Variants in USH2A observed in about 807,000 individuals in gnomAD.
USH2A encodes the protein Usher syndrome 2A (autosomal recessive, mild).
A neutral mutation model predicts 538.9 loss-of-function variants in USH2A; 443 were observed. That is an observed-to-expected ratio of 0.82 (90% confidence interval 0.76 to 0.89). USH2A has a LOEUF of 0.89. USH2A is among the 40% of genes least tolerant of loss of function. The pLI, the probability that USH2A is intolerant of heterozygous loss-of-function variation, is 0.00. For synonymous variants in USH2A, 2,413 were observed against 2,273.5 expected, an observed-to-expected ratio of 1.06 and a Z score of -1.75; for missense variants, 6,633 against 6,324.8, an observed-to-expected ratio of 1.05 and a Z score of -1.65.
intron 64 of USH2A, among the ~76,000 whole-genome samples, chr1:215,653,653 T>C (rs918358684): frequency 1.3e-5 from 2 of 152,352 alleles, no homozygotes; most frequent in African/African-American, 4.8e-5. Context: ...ATATTTTTTC[T>C]GTCTCCTTCT....
At chr1:216,037,567 G>A (rs747951657) in intron 32 of USH2A, among the ~76,000 whole-genome samples, 6 of 152,050 alleles carry the variant, frequency 3.9e-5, no homozygotes, top group Non-Finnish European at 8.8e-5. Flanking sequence ...TTGATAAAAT[G>A]TTTCAGGATA....
At position 215,674,525 on chromosome 1, in the gene USH2A, G is replaced by A. The variant is rs187707339; in HGVS notation, c.13386C>T (p.Ile4462=). 2.1e-5 allele frequency: 34 copies of A among 1,614,116 alleles called. No homozygotes were observed. The Admixed American group carries it at 5.5e-4, about 26-fold the overall frequency. The change falls in exon 63 of 72, where the codon ATC becomes ATT. Residue 4462 remains isoleucine (I), a synonymous_variant. Coordinates refer to ENST00000307340, the MANE Select transcript of USH2A (RefSeq NM_206933.4). ...TTGGGTTTCTTGGAGGTTTCCAGGTGATTTCTATTGATTCTGAGCCTGTGA... is the reference window on the plus strand; with the variant it reads ...TTGGGTTTCTTGGAGGTTTCCAGGTAATTTCTATTGATTCTGAGCCTGTGA... The part of the protein sequence containing the change: ...LQVTGSESIE[I]TWKPPRNPNG...
At chr1:216,018,241 AT>A (rs1378271701) in intron 32 of USH2A, among the ~76,000 whole-genome samples, 9 of 152,310 alleles carry the variant, frequency 5.9e-5, no homozygotes, top group African/African-American at 2.2e-4. Context: ...CTGAAATGGA[AT>A]TATTGAAGAG....
chr1:216,402,173 G>A (rs1485056130), intron 3 of USH2A, among the ~76,000 whole-genome samples: 2 of 152,046 alleles, frequency 1.3e-5, no homozygotes, highest in African/African-American at 4.8e-5. Flanking sequence ...AAAAAATCCT[G>A]AACAAATGTT....
At chr1:216,282,209 G>A (rs182550250) in intron 11 of USH2A, among the ~76,000 whole-genome samples, 4 of 151,930 alleles carry the variant, frequency 2.6e-5, no homozygotes, top group African/African-American at 9.7e-5. Context: ...TTGTTGGTGT[G>A]CTTTGAAATA....
chr1:215,813,626 G>T, intron 49 of USH2A, 110 bp downstream of exon 49: 1 of 1,357,732 alleles, frequency 7.4e-7, no homozygotes, highest in Non-Finnish European at 1.1e-6. Context: ...TGTGTTTATG[G>T]TTCAATTTTT....
rs146193583 is a variant in USH2A, at chr1:216,142,071, T to C, written c.4627+33181A>G. Among the ~76,000 whole-genome samples the C allele has an allele frequency of 1.2e-4, 19 of 152,326 alleles. No homozygotes were observed. The East Asian group carries it at 2.7e-3, about 22-fold the overall frequency. On this transcript the variant is annotated intron_variant, in intron 21 of 71. Coordinates refer to ENST00000307340, the MANE Select transcript of USH2A (RefSeq NM_206933.4). Reference sequence around the variant, plus strand: ...GCAAAGTTTATGCTTTGAACAAGTTTATTTCTTTGAACAAGTTCAGGTACT... The same window carrying C: ...GCAAAGTTTATGCTTTGAACAAGTTCATTTCTTTGAACAAGTTCAGGTACT...
chr1:216,200,264 T>TA, intron 16 of USH2A, 143 bp from the exon 17 acceptor site: 2 of 916,362 alleles, frequency 2.2e-6, no homozygotes, highest in South Asian at 3.6e-5. Flanking sequence ...TTCATATTTT[T>TA]AAAATTGAAA....
chr1:216,317,706 A>T (rs889642900), intron 9 of USH2A, among the ~76,000 whole-genome samples: 1 of 151,826 alleles, frequency 6.6e-6, no homozygotes, highest in South Asian at 2.1e-4. Context: ...ACAAAAAGTT[A>T]GCCGCGTGTG....
rs369972310 is a variant in USH2A at position 216,073,263 on chromosome 1, C to T, written c.5610G>A (p.Arg1870=). The T allele has an allele frequency of 6.2e-7, 1 of 1,613,774 alleles. No homozygotes were observed. The highest frequency in any genetic ancestry group is 8.5e-7 in the Non-Finnish European group (1 of 1,179,908). Residue 1870 remains arginine (R), a synonymous_variant, in exon 28 of 72, where the codon CGG becomes CGA. Transcript: ENST00000307340. The stretch of plus-strand genomic sequence containing the variant: ...CAGATGCCAAGTTAACGACAGCACC[C>T]CGTGTAAATTTAACATCCTTCATGC... ...GGCMKDVKFT[R]GAVVNLASVS... is the part of the protein sequence containing the mutation.
At chr1:216,198,852 T>G (rs1176308735) in intron 17 of USH2A, among the ~76,000 whole-genome samples, 1 of 152,136 alleles carries the variant, frequency 6.6e-6, no homozygotes, top group East Asian at 1.9e-4. Flanking sequence ...CCAAAATGGA[T>G]AACACATAGA....
At chr1:215,811,250 T>G (rs1662666765) in intron 49 of USH2A, among the ~76,000 whole-genome samples, 1 of 152,222 alleles carries the variant, frequency 6.6e-6, no homozygotes, top group Non-Finnish European at 1.5e-5. Flanking sequence ...GCAGAGCACC[T>G]TTATAAAATT....
At chr1:215,668,692 C>A (rs533288535) in intron 64 of USH2A, among the ~76,000 whole-genome samples, 2 of 152,288 alleles carry the variant, frequency 1.3e-5, no homozygotes, top group East Asian at 3.9e-4. Flanking sequence ...GATGAAAAAT[C>A]TGACTAGAGA....
chr1:215,635,093 AC>A (rs1215425459), intron 69 of USH2A, among the ~76,000 whole-genome samples: 2 of 152,126 alleles, frequency 1.3e-5, no homozygotes, highest in South Asian at 4.1e-4. Context: ...CTCATGAGGG[AC>A]TGGGACCCTT....
At chr1:216,231,028 G>A (rs200277626) in intron 14 of USH2A, among the ~76,000 whole-genome samples, 1 of 150,648 alleles carries the variant, frequency 6.6e-6, no homozygotes, top group Non-Finnish European at 1.5e-5. Flanking sequence ...ATATTAAAGA[G>A]AGTGTAACTT....
At chr1:216,002,725 C>A (rs1328704468) in intron 32 of USH2A, among the ~76,000 whole-genome samples, 2 of 152,032 alleles carry the variant, frequency 1.3e-5, no homozygotes, top group African/African-American at 4.8e-5. Context: ...TTCTTACATT[C>A]TACTTTGCTG....
At chr1:215,961,827 C>T (rs1667207938) in intron 37 of USH2A, among the ~76,000 whole-genome samples, 1 of 151,574 alleles carries the variant, frequency 6.6e-6, no homozygotes, top group Middle Eastern at 3.2e-3. Flanking sequence ...TAAGGTTTGA[C>T]CCATACATGA....
intron 20 of USH2A, among the ~76,000 whole-genome samples, chr1:216,188,627 A>T (rs1033462954): frequency 6.6e-6 from 1 of 151,942 alleles, no homozygotes; most frequent in Non-Finnish European, 1.5e-5. Flanking sequence ...AAGAAATCAC[A>T]TTCTAAAAGA....
intron 3 of USH2A, among the ~76,000 whole-genome samples, chr1:216,391,714 A>C (rs961774216): frequency 1.3e-5 from 2 of 152,154 alleles, no homozygotes; most frequent in African/African-American, 4.8e-5. Context: ...TAAACTCTGC[A>C]TTTTACCAAC....
Sources: gnomAD v4.1 joint callset for allele counts (sites outside exome capture counted in the v4.1 genomes callset) on GRCh38, gnomAD v4.1.1 for gene constraint, MANE v1.5 for transcripts, NCBI Gene and HGNC (gene_info 2026-07-23, HGNC 2026-07-21) for gene names.